GNA14: variants seen among roughly 807,000 people sequenced by gnomAD.
The protein encoded by GNA14 is G protein subunit alpha 14.
Under a neutral mutation model 42.0 loss-of-function variants are expected in GNA14, and 50 were observed. The ratio of observed to expected loss-of-function variants is 1.19; its 90% CI spans 0.95 to 1.51. GNA14 has a LOEUF of 1.51. GNA14 is among the 40% of genes most tolerant of loss of function. The pLI is 0.00. For synonymous variants in GNA14, 173 were observed against 163.1 expected (o/e 1.06, Z -0.46); for missense variants, 473 against 446.2 (o/e 1.06, Z -0.54).
Position 77,568,844 on chromosome 9 carries a change from T to G in GNA14, c.125-39591A>C, listed in dbSNP as rs183630611. Among the ~76,000 whole-genome samples the G allele has an allele frequency of 2.0e-3, 311 of 152,296 alleles. 2 individuals carry two copies. The highest frequency in any genetic ancestry group is 6.8e-3 in the African/African-American group (282 of 41,564). On this transcript the variant is annotated intron_variant, in intron 1 of 6. Coordinates refer to ENST00000341700, the MANE Select transcript of GNA14 (RefSeq NM_004297.4). The stretch of plus-strand genomic sequence containing the variant: ...CCTTCAGCAAACCCCCTTCAGCTGG[T>G]CTTGTGGAGGGAGCAAAGATACAAT...
intron 2 of GNA14, among the ~76,000 whole-genome samples, chr9:77,474,580 A>G (rs1268949057): frequency 6.6e-6 from 1 of 152,198 alleles, no homozygotes; most frequent in East Asian, 1.9e-4. Context: ...ACTTTGAAAA[A>G]TAGTTTGACA....
chr9:77,479,710 TTC>T (rs1312274495), intron 2 of GNA14, among the ~76,000 whole-genome samples: 3 of 152,202 alleles, frequency 2.0e-5, no homozygotes, highest in African/African-American at 7.2e-5. Context: ...TTTGTTTGTA[TTC>T]TCTTTTATTT....
intron 1 of GNA14, among the ~76,000 whole-genome samples, chr9:77,623,096 T>C (rs1470095307): frequency 5.4e-5 from 8 of 149,238 alleles, no homozygotes; most frequent in Non-Finnish European, 1.2e-4. Context: ...GCGCCTGTAG[T>C]TCCAGCTACT....
At chr9:77,438,753 C>T (rs1352897937) in intron 2 of GNA14, among the ~76,000 whole-genome samples, 2 of 152,090 alleles carry the variant, frequency 1.3e-5, no homozygotes, top group African/African-American at 2.4e-5. Context: ...ACACTTCAAA[C>T]CCATGTGGGC....
At chr9:77,474,673 T>C (rs1435510038) in intron 2 of GNA14, among the ~76,000 whole-genome samples, 1 of 152,138 alleles carries the variant, frequency 6.6e-6, no homozygotes, top group Non-Finnish European at 1.5e-5. Context: ...TGAAGACAAA[T>C]GTCTACACAA....
At chr9:77,573,011 C>T (rs1284604083) in intron 1 of GNA14, among the ~76,000 whole-genome samples, 1 of 152,204 alleles carries the variant, frequency 6.6e-6, no homozygotes, top group Non-Finnish European at 1.5e-5. Context: ...GATATTACCT[C>T]AGCTAAAATG....
intron 1 of GNA14, among the ~76,000 whole-genome samples, chr9:77,572,810 G>C (rs546608507): frequency 8.5e-5 from 13 of 152,156 alleles, no homozygotes; most frequent in Non-Finnish European, 1.8e-4. Context: ...GATCCAATTA[G>C]GATGCTCTGA....
chr9:77,461,261 TTGCTAACAA>T (rs1483159753), intron 2 of GNA14, among the ~76,000 whole-genome samples: 4 of 152,134 alleles, frequency 2.6e-5, no homozygotes, highest in Non-Finnish European at 5.9e-5. Flanking sequence ...GCAAGAGAGT[TTGCTAACAA>T]TGCAGAATCT....
chr9:77,609,433 C>G (rs1823694792), intron 1 of GNA14, among the ~76,000 whole-genome samples: 1 of 152,150 alleles, frequency 6.6e-6, no homozygotes, highest in Non-Finnish European at 1.5e-5. Context: ...CCAAAATTGC[C>G]TTTAACATCC....
At position 77,579,619 on chromosome 9, in the gene GNA14, T is replaced by C. The variant is rs150488194; in HGVS notation, c.125-50366A>G. Among the ~76,000 whole-genome samples the C allele has an allele frequency of 8.9e-3, 1,353 of 152,256 alleles. 20 individuals carry two copies. Among genetic ancestry groups the C allele is most frequent in the African/African-American group, 0.031 (1,271 of 41,542 alleles). ...TTGTTCTTCCTTCAGCCATTTAAGG[T>C]TACTTTCTATAGGCATGCCAAATAG... On this transcript the variant is annotated intron_variant, in intron 1 of 6. Coordinates refer to ENST00000341700, the MANE Select transcript of GNA14 (RefSeq NM_004297.4).
intron 2 of GNA14, among the ~76,000 whole-genome samples, chr9:77,506,697 A>G (rs1230830533): frequency 6.6e-6 from 1 of 152,094 alleles, no homozygotes; most frequent in Non-Finnish European, 1.5e-5. Flanking sequence ...ATTTCATGAG[A>G]TATTTTATGT....
chr9:77,580,960 T>C (rs1390495991), intron 1 of GNA14, among the ~76,000 whole-genome samples: 2 of 151,680 alleles, frequency 1.3e-5, no homozygotes, highest in African/African-American at 2.4e-5. Context: ...TCACTGCCCA[T>C]TGATTTCTTC....
At chr9:77,474,804 G>C (rs1044087776) in intron 2 of GNA14, among the ~76,000 whole-genome samples, 8 of 152,140 alleles carry the variant, frequency 5.3e-5, no homozygotes, top group Non-Finnish European at 1.2e-4. Flanking sequence ...ATTGAAATAT[G>C]ATTTGGCAAT....
At chr9:77,473,803 G>A (rs1343711423) in intron 2 of GNA14, among the ~76,000 whole-genome samples, 1 of 152,078 alleles carries the variant, frequency 6.6e-6, no homozygotes, top group African/African-American at 2.4e-5. Context: ...TGTGGTACTG[G>A]CATAAGGATA....
intron 1 of GNA14, among the ~76,000 whole-genome samples, chr9:77,574,909 T>A (rs1823106470): frequency 6.6e-6 from 1 of 152,126 alleles, no homozygotes; most frequent in Non-Finnish European, 1.5e-5. Context: ...GCAAGGGAAG[T>A]GGGAAAACTT....
At chr9:77,571,682 A>G (rs1405104328) in intron 1 of GNA14, among the ~76,000 whole-genome samples, 1 of 151,500 alleles carries the variant, frequency 6.6e-6, no homozygotes, top group East Asian at 2.0e-4. Flanking sequence ...TGCCTGTAAT[A>G]CCAGCTACTC....
chr9:77,593,893 C>T (rs963465179), intron 1 of GNA14, among the ~76,000 whole-genome samples: 2 of 152,220 alleles, frequency 1.3e-5, no homozygotes, highest in Non-Finnish European at 2.9e-5. Flanking sequence ...GTTCTTTTTA[C>T]TCTTCCCTCC....
chr9:77,515,983 A>AAAAAAAAAAAAAT (rs1276481734), intron 2 of GNA14, among the ~76,000 whole-genome samples: 1 of 145,354 alleles, frequency 6.9e-6, no homozygotes, highest in Admixed American at 6.8e-5. Flanking sequence ...AAAAAAAAAA[A>AAAAAAAAAAAAAT]CCCAGAGCAG....
intron 2 of GNA14, among the ~76,000 whole-genome samples, chr9:77,468,657 CTG>C (rs1173866755): frequency 6.6e-6 from 1 of 152,198 alleles, no homozygotes. Context: ...TGTGAGAAGT[CTG>C]TCACTTCCAA....
Sources: allele counts gnomAD v4.1 joint callset (sites outside exome capture counted in the v4.1 genomes callset), GRCh38; gene constraint gnomAD v4.1.1; transcripts MANE v1.5; gene names NCBI Gene and HGNC (gene_info 2026-07-23, HGNC 2026-07-21).